Variants in CRYBG1 observed in about 807,000 individuals in gnomAD.
CRYBG1 encodes beta/gamma crystallin domain-containing protein 1.
CRYBG1 carries 139 observed loss-of-function variants against 189.2 expected under a neutral mutation model. The ratio of observed to expected loss-of-function variants is 0.73; its 90% confidence interval spans 0.64 to 0.85. The LOEUF is 0.85. Among genes scored for constraint, CRYBG1 ranks in the 40% least tolerant of loss-of-function variants. The probability of loss-of-function intolerance (pLI) is 0.00; values close to 1 mark genes in which losing one functional copy is unlikely to be tolerated. For synonymous variants in CRYBG1, 1,023 were observed against 1,017.1 expected, an observed-to-expected ratio of 1.01 and a Z score of -0.11; for missense variants, 2,611 against 2,675.8, an observed-to-expected ratio of 0.98 and a Z score of 0.53.
At chr6:106,381,490 G>A (rs1225369600) in intron 1 of CRYBG1, among the ~76,000 whole-genome samples, 1 of 152,182 alleles carries the variant, frequency 6.6e-6, no homozygotes, top group Non-Finnish European at 1.5e-5. Context: ...TAGGAGATTG[G>A]CATCTTAGGT....
intron 1 of CRYBG1, among the ~76,000 whole-genome samples, chr6:106,406,427 A>G (rs1184775864): frequency 2.0e-5 from 3 of 152,236 alleles, no homozygotes; most frequent in African/African-American, 7.2e-5. Context: ...AGTGATGAGG[A>G]GAATGGAACC....
At chr6:106,412,001 C>G (rs1484180618) in intron 1 of CRYBG1, among the ~76,000 whole-genome samples, 1 of 152,250 alleles carries the variant, frequency 6.6e-6, no homozygotes, top group Middle Eastern at 3.2e-3. Flanking sequence ...CCGCATTGAG[C>G]GTGGGTCTTT....
chr6:106,564,389 A>G lies in CRYBG1; in HGVS notation c.6301+463A>G, dbSNP rs575704515. ...TTCTCATGTATACACGTGACCTTTC[A>G]TTGAAAAGATCTAAGATCTCAAAGG... On this transcript the variant is annotated intron_variant, in intron 21 of 21. Coordinates refer to ENST00000633556, the MANE Select transcript of CRYBG1 (RefSeq NM_001371242.2). Among the ~76,000 whole-genome samples, 20 of 152,366 alleles carry G rather than the reference A, an allele frequency of 1.3e-4. 1 individual carries two copies. The highest frequency in any genetic ancestry group is 1.2e-3 in the South Asian group (6 of 4,832).
intron 1 of CRYBG1, among the ~76,000 whole-genome samples, chr6:106,426,023 T>G (rs1396690048): frequency 6.6e-6 from 1 of 152,206 alleles, no homozygotes; most frequent in Non-Finnish European, 1.5e-5. Context: ...TTACATCTTT[T>G]ATTCTCCCAT....
chr6:106,510,724 C>A (rs761130957), intron 2 of CRYBG1, among the ~76,000 whole-genome samples: 1 of 152,242 alleles, frequency 6.6e-6, no homozygotes, highest in African/African-American at 2.4e-5. Flanking sequence ...CGCACTCCTC[C>A]GTGTTCACAT....
At chr6:106,540,227 T>C (rs567043269) in intron 9 of CRYBG1, among the ~76,000 whole-genome samples, 24 of 152,320 alleles carry the variant, frequency 1.6e-4, no homozygotes, top group African/African-American at 5.5e-4. Context: ...GCCGCATCTG[T>C]CTTGTCCCCA....
intron 1 of CRYBG1, among the ~76,000 whole-genome samples, chr6:106,407,965 C>A (rs894440242): frequency 6.6e-6 from 1 of 151,712 alleles, no homozygotes; most frequent in East Asian, 1.9e-4. Flanking sequence ...TTAAAAGAAC[C>A]AGAAAAGCAA....
chr6:106,489,802 A>G (rs1354892490), intron 2 of CRYBG1, among the ~76,000 whole-genome samples: 1 of 151,202 alleles, frequency 6.6e-6, no homozygotes, highest in East Asian at 1.9e-4. Flanking sequence ...AAAAAAAAAA[A>G]AAAAAGAAAG....
chr6:106,382,828 A>G (rs1162865352), intron 1 of CRYBG1, among the ~76,000 whole-genome samples: 1 of 152,236 alleles, frequency 6.6e-6, no homozygotes, highest in African/African-American at 2.4e-5. Flanking sequence ...ACTTGTGATT[A>G]TTATAAAAAA....
chr6:106,511,985 T>C lies in CRYBG1; in HGVS notation c.868T>C (p.Phe290Leu). Residue 290 changes from phenylalanine to leucine, a missense_variant, in exon 3 of 22, where the codon TTC becomes CTC. Phe to Leu is a conservative substitution (Grantham distance 22, BLOSUM62 0). Coordinates refer to ENST00000633556, the MANE Select transcript of CRYBG1 (RefSeq NM_001371242.2). ...AGGTGCTGGCCACGAACAGGAGGCT[T>C]TCCTGGGTGTGAGGGGTGCGCCAGG... Reference protein sequence around the residue: ...SPGAGHEQEAFLGVRGAPGSP... With the variant: ...SPGAGHEQEALLGVRGAPGSP... 1 of 1,530,496 alleles carries C rather than the reference T, an allele frequency of 6.5e-7. No individual in the cohort carries two copies. The highest frequency in any genetic ancestry group is 2.5e-5 in the East Asian group (1 of 40,796). The allele number at this position is 1,530,496 out of a possible 1,614,324, so 94.8% of individuals were successfully genotyped here.
chr6:106,376,596 C>T (rs1374732319), intron 1 of CRYBG1, among the ~76,000 whole-genome samples: 1 of 152,040 alleles, frequency 6.6e-6, no homozygotes, highest in Non-Finnish European at 1.5e-5. Context: ...TAGCTCAGAT[C>T]TTGGCAGTTC....
chr6:106,568,973 T>TAAGA lies in CRYBG1; in HGVS notation c.*408_*411dup, dbSNP rs1554193211. 2 of 166,134 alleles carry TAAGA rather than the reference T, an allele frequency of 1.2e-5. No individual in the cohort carries two copies. Among genetic ancestry groups the TAAGA allele is most frequent in the Non-Finnish European group, 2.6e-5 (2 of 76,032 alleles). The allele number at this position is 166,134 out of a possible 1,614,324, so 10.3% of individuals were successfully genotyped here. A position where few individuals can be genotyped will look rare whatever the true frequency, so the allele number is the denominator to read the frequency against. On this transcript the variant is annotated 3_prime_UTR_variant, in exon 22 of 22. Transcript: ENST00000633556. ...TACAAAGCCCTTACACTTTAAAGGG[T>TAAGA]AAGACAAAGGCTTAAGTTTGAAAGG...
intron 1 of CRYBG1, among the ~76,000 whole-genome samples, chr6:106,406,309 G>A (rs1345420754): frequency 6.6e-6 from 1 of 152,138 alleles, no homozygotes; most frequent in Non-Finnish European, 1.5e-5. Flanking sequence ...GAAATAAAGT[G>A]TGAAGACAAG....
Position 106,447,547 on chromosome 6 carries a change from A to AATATATATATATATATATATATAT in CRYBG1, c.174-4144_174-4121dup, listed in dbSNP as rs59943398. On this transcript the variant is annotated intron_variant, in intron 1 of 21. Coordinates refer to ENST00000633556, the MANE Select transcript of CRYBG1 (RefSeq NM_001371242.2). Reference sequence around the variant, plus strand: ...ATGCTTGTACCTCATGTACCTCATAAATATATATATATATATATATATATA... The same window carrying AATATATATATATATATATATATAT: ...ATGCTTGTACCTCATGTACCTCATAAATATATATATATATATATATATATATATATATATATATATATATATATA... Among the ~76,000 whole-genome samples, 391 of 140,904 alleles carry AATATATATATATATATATATATAT rather than the reference A, an allele frequency of 2.8e-3. 1 individual carries two copies. The highest frequency in any genetic ancestry group is 9.6e-3 in the East Asian group (44 of 4,602). The allele number at this position is 140,904 out of a possible 152,430, so 92.4% of individuals were successfully genotyped here.
intron 4 of CRYBG1, 77 bp from the exon 5 acceptor site, chr6:106,525,056 C>T (rs904787685): frequency 2.1e-6 from 3 of 1,457,646 alleles, no homozygotes; most frequent in South Asian, 2.3e-5. Context: ...GATCTACCTA[C>T]AGGATCGTGG....
At chr6:106,363,539 C>T (rs1771920945) in intron 1 of CRYBG1, among the ~76,000 whole-genome samples, 1 of 152,134 alleles carries the variant, frequency 6.6e-6, no homozygotes, top group Admixed American at 6.5e-5. Flanking sequence ...GTGTGGCTCT[C>T]TTAAGCCTCC....
At chr6:106,516,564 GA>G (rs1398721450) in intron 3 of CRYBG1, among the ~76,000 whole-genome samples, 1 of 152,214 alleles carries the variant, frequency 6.6e-6, no homozygotes, top group Non-Finnish European at 1.5e-5. Flanking sequence ...CCAAGTCCAT[GA>G]AGGAGAGGCA....
intron 2 of CRYBG1, among the ~76,000 whole-genome samples, chr6:106,484,445 G>A (rs1772551369): frequency 2.7e-5 from 4 of 145,954 alleles, no homozygotes; most frequent in Admixed American, 2.1e-4. Flanking sequence ...AGCCTCCCGA[G>A]TAACTGGAGC....
chr6:106,482,692 A>G (rs988610510), intron 2 of CRYBG1, among the ~76,000 whole-genome samples: 35 of 152,170 alleles, frequency 2.3e-4, no homozygotes, highest in Admixed American at 7.9e-4. Flanking sequence ...GTAGAATGGC[A>G]TGAACCGGGG....
Sources: allele counts gnomAD v4.1 joint callset (sites outside exome capture counted in the v4.1 genomes callset), GRCh38; gene constraint gnomAD v4.1.1; transcripts MANE v1.5; gene names NCBI Gene and HGNC (gene_info 2026-07-23, HGNC 2026-07-21).